RAF1: variants seen among roughly 807,000 people sequenced by gnomAD.
The protein encoded by RAF1 is RAF proto-oncogene serine/threonine-protein kinase.
RAF1 carries 27 observed loss-of-function variants against 81.1 expected under a neutral mutation model. The observed-to-expected ratio is 0.33, with a 90% CI of 0.25 to 0.46. RAF1 has a LOEUF of 0.46. Ranked by LOEUF, RAF1 falls within the 20% of genes least tolerant of loss-of-function variation. The probability of loss-of-function intolerance (pLI) is 1.00; values close to 1 mark genes in which losing one functional copy is unlikely to be tolerated. For missense variants in RAF1, 598 were observed against 826.0 expected (o/e 0.72, Z 3.38); for synonymous variants, 298 against 294.0 (o/e 1.01, Z -0.14).
intron 15 of RAF1, 42 bp from the exon 15 acceptor site, chr3:12,585,295 A>C (rs2125323633): frequency 6.2e-7 from 1 of 1,612,144 alleles, no homozygotes; most frequent in Non-Finnish European, 8.5e-7. Context: ...TTATCACCAT[A>C]TGACAGGCCT....
chr3:12,642,671 TACACACACACACACACACACAC>T (rs71063856), intron 1 of RAF1, among the ~76,000 whole-genome samples: 6 of 117,014 alleles, frequency 5.1e-5, no homozygotes, highest in South Asian at 3.2e-4. Flanking sequence ...ACACCATCTC[TACACACACACACACACACACAC>T]ACACACACAC....
intron 4 of RAF1, 130 bp downstream of exon 4, chr3:12,609,102 TA>T (rs2059128863): frequency 9.7e-7 from 1 of 1,032,964 alleles, no homozygotes; most frequent in African/African-American, 1.6e-5. Flanking sequence ...TGCCTTACTG[TA>T]AACAACAGCA....
At chr3:12,653,980 T>C (rs1223472559) in intron 1 of RAF1, among the ~76,000 whole-genome samples, 2 of 151,486 alleles carry the variant, frequency 1.3e-5, no homozygotes, top group African/African-American at 4.9e-5. Flanking sequence ...AGACTATTCA[T>C]CTTTTCTTTT....
intron 8 of RAF1, chr3:12,603,461 T>G (rs1194576765): frequency 2.9e-6 from 2 of 692,084 alleles, no homozygotes; most frequent in African/African-American, 3.5e-5. Flanking sequence ...AGCAAAGGCA[T>G]GAAGAAAAAT....
At chr3:12,603,599 C>G (rs997521830) in intron 7 of RAF1, 21 of 655,654 alleles carry the variant, frequency 3.2e-5, no homozygotes, top group Admixed American at 1.2e-4. Flanking sequence ...TAAGTGTATT[C>G]AGTTGTTATT....
At chr3:12,587,783 G>T in intron 13 of RAF1, 146 bp from the exon 13 acceptor site, 1 of 637,868 alleles carries the variant, frequency 1.6e-6, no homozygotes, top group Non-Finnish European at 2.8e-6. Flanking sequence ...TGTTCAGCCT[G>T]GTTCACATCA....
chr3:12,646,847 C>A (rs2060363410), intron 1 of RAF1, among the ~76,000 whole-genome samples: 1 of 151,726 alleles, frequency 6.6e-6, no homozygotes, highest in South Asian at 2.1e-4. Flanking sequence ...CCACGCCCAG[C>A]CTAATTTTTG....
intron 11 of RAF1, among the ~76,000 whole-genome samples, chr3:12,595,507 T>C (rs909298999): frequency 7.2e-5 from 11 of 152,128 alleles, no homozygotes; most frequent in Non-Finnish European, 7.4e-5. Flanking sequence ...CCAGATCCCA[T>C]TTAACCCAAA....
At chr3:12,661,664 T>C (rs922426334) in intron 1 of RAF1, among the ~76,000 whole-genome samples, 1 of 151,962 alleles carries the variant, frequency 6.6e-6, no homozygotes, top group African/African-American at 2.4e-5. Context: ...GATCGCATCA[T>C]TGCACGCCAG....
At chr3:12,630,541 C>T (rs1035578437) in intron 1 of RAF1, among the ~76,000 whole-genome samples, 3 of 152,154 alleles carry the variant, frequency 2.0e-5, no homozygotes, top group African/African-American at 7.2e-5. Flanking sequence ...GAAGAGGTAA[C>T]TGCTGAGACC....
intron 11 of RAF1, among the ~76,000 whole-genome samples, chr3:12,594,034 AAGGTG>A (rs2058608778): frequency 6.6e-6 from 1 of 152,176 alleles, no homozygotes; most frequent in South Asian, 2.1e-4. Flanking sequence ...ATCAGAAATA[AAGGTG>A]AGGTGAGGGG....
chr3:12,617,925 A>T (rs895663484), intron 2 of RAF1, among the ~76,000 whole-genome samples: 1 of 151,840 alleles, frequency 6.6e-6, no homozygotes, highest in African/African-American at 2.4e-5. Context: ...TTTCTATCAG[A>T]AAACCTAGTG....
intron 1 of RAF1, among the ~76,000 whole-genome samples, chr3:12,636,422 C>T (rs186282458): frequency 2.2e-5 from 3 of 136,020 alleles, no homozygotes; most frequent in Admixed American, 7.8e-5. Context: ...GCCTGGGCAA[C>T]ATAACAAGAC....
intron 11 of RAF1, among the ~76,000 whole-genome samples, chr3:12,596,040 T>C (rs1376752699): frequency 6.6e-6 from 1 of 151,566 alleles, no homozygotes; most frequent in African/African-American, 2.4e-5. Context: ...CATGGTCAGC[T>C]AATTGTGTTT....
chr3:12,661,153 A>G (rs2060864455), intron 1 of RAF1, among the ~76,000 whole-genome samples: 1 of 152,354 alleles, frequency 6.6e-6, no homozygotes, highest in East Asian at 1.9e-4. Flanking sequence ...CAAGATTTAG[A>G]AACTGCAACT....
At chr3:12,663,738 G>A (rs2060959833) in intron 1 of RAF1, 75 bp downstream of exon 1, 2 of 394,684 alleles carry the variant, frequency 5.1e-6, no homozygotes, top group African/African-American at 4.1e-5. Context: ...ACCCAGGCCC[G>A]GTCGCCCTGG....
At chr3:12,635,992 A>C (rs2060017004) in intron 1 of RAF1, among the ~76,000 whole-genome samples, 1 of 150,088 alleles carries the variant, frequency 6.7e-6, no homozygotes, top group Non-Finnish European at 1.5e-5. Flanking sequence ...AACATTAATA[A>C]TGTTGTTTTT....
intron 2 of RAF1, among the ~76,000 whole-genome samples, chr3:12,616,857 C>A (rs953393063): frequency 6.6e-6 from 1 of 152,218 alleles, no homozygotes; most frequent in Non-Finnish European, 1.5e-5. Context: ...CCAAGCAAAA[C>A]CAATGCAATT....
At chr3:12,607,140 T>C (rs1489163213) in intron 5 of RAF1, among the ~76,000 whole-genome samples, 2 of 152,128 alleles carry the variant, frequency 1.3e-5, no homozygotes, top group Non-Finnish European at 2.9e-5. Context: ...AAGACTAAAA[T>C]AGAAGGAATA....
Sources: gnomAD v4.1 joint callset for allele counts (sites outside exome capture counted in the v4.1 genomes callset) on GRCh38, gnomAD v4.1.1 for gene constraint, MANE v1.5 for transcripts, NCBI Gene and HGNC (gene_info 2026-07-23, HGNC 2026-07-21) for gene names.